NET1: variants seen among roughly 807,000 people sequenced by gnomAD.
NET1 encodes the protein neuroepithelial cell-transforming gene 1 protein.
NET1 carries 42 observed loss-of-function variants against 61.1 expected under a neutral mutation model. The observed-to-expected ratio is 0.69, with a 90% CI of 0.54 to 0.89. NET1 has a LOEUF of 0.89. NET1 is among the 40% of genes least tolerant of loss of function. The pLI is 0.00. For missense variants in NET1, 654 were observed against 747.3 expected, an observed-to-expected ratio of 0.88 and a Z score of 1.46; for synonymous variants, 254 against 281.8, an observed-to-expected ratio of 0.90 and a Z score of 0.99.
At chr10:5,413,083 A>AGGGAGGGTGGCACAGGCTGGG (rs1564455840) in intron 1 of NET1, among the ~76,000 whole-genome samples, 1 of 149,984 alleles carries the variant, frequency 6.7e-6, no homozygotes. Flanking sequence ...CACAGGCTGG[A>AGGGAGGGTGGCACAGGCTGGG]GTGACAGTGT....
intron 3 of NET1, among the ~76,000 whole-genome samples, chr10:5,436,312 G>T (rs1234816613): frequency 7.6e-6 from 1 of 132,058 alleles, no homozygotes; most frequent in Non-Finnish European, 1.6e-5. Context: ...AGGCTGGAGT[G>T]CAATGGCTCA....
chr10:5,453,419 A>G lies in NET1; in HGVS notation c.692-65A>G. 6.3e-7 allele frequency: 1 copy of G among 1,583,440 alleles called. No individual in the cohort carries two copies. The highest frequency in any genetic ancestry group is 8.7e-7 in the Non-Finnish European group (1 of 1,151,940). On this transcript the variant is annotated intron_variant, in intron 7 of 11. Transcript: ENST00000355029. This position sits in a 1 kb window ranked among gnomAD's most constrained non-coding sequence, Gnocchi z 4.9. Reference sequence around the variant, plus strand: ...ATGTAATTTTCAGTCTAAACTTCTAATGTAGTGCTGACCTATTTTTTAAAT... The same window carrying G: ...ATGTAATTTTCAGTCTAAACTTCTAGTGTAGTGCTGACCTATTTTTTAAAT...
intron 3 of NET1, among the ~76,000 whole-genome samples, chr10:5,438,892 C>T (rs1832480367): frequency 6.6e-6 from 1 of 152,192 alleles, no homozygotes; most frequent in East Asian, 1.9e-4. Context: ...CTGGAGCACA[C>T]TGAACCTTCA....
Position 5,458,692 on chromosome 10 carries a change from G to C in NET1, c.*1698G>C, listed in dbSNP as rs1832850083. Among the ~76,000 whole-genome samples, 1 of 152,208 alleles carries C rather than the reference G, an allele frequency of 6.6e-6. No individual in the cohort carries two copies. The highest frequency in any genetic ancestry group is 6.5e-5 in the Admixed American group (1 of 15,286). The stretch of plus-strand genomic sequence containing the variant: ...TTGTATTGAAAATAACTGAACACCT[G>C]TTACTTTCTGGATAGGATAGTAAGG... On this transcript the variant is annotated 3_prime_UTR_variant, in exon 12 of 12. Coordinates refer to ENST00000355029, the MANE Select transcript of NET1 (RefSeq NM_001047160.3). This position sits in a 1 kb window ranked among gnomAD's most constrained non-coding sequence, Gnocchi z 4.5.
rs1192460303 is a variant in NET1 at position 5,412,744 on chromosome 10, C to T, written c.52C>T (p.Arg18Cys). The T allele has an allele frequency of 5.4e-6, 8 of 1,482,134 alleles. No homozygotes were observed. The highest frequency in any genetic ancestry group is 6.2e-6 in the Non-Finnish European group (7 of 1,123,616). 91.8% of individuals were successfully genotyped at this position (1,482,134 alleles called of 1,614,324 possible). Residue 18 changes from arginine (R) to cysteine (C), a missense_variant, in exon 1 of 12, where the codon CGC (arginine) becomes TGC (cysteine). Transcript: ENST00000355029. This position sits in a 1 kb window ranked among gnomAD's most constrained non-coding sequence, Gnocchi z 6.5. The part of the protein sequence containing the change: ...QKQPRPRRRS[R>C]RASGLSTEGA... ...GCAGCCTCGACCGCGGAGGCGAAGC[C>T]GCCGGGCCTCTGGGCTCAGCACGGA...
At position 5,456,976 on chromosome 10, in the gene NET1, G is replaced by C. The variant is rs143945336; in HGVS notation, c.1773G>C (p.Arg591=). The C allele has an allele frequency of 1.0e-4, 157 of 1,564,162 alleles. 1 individual carries two copies. In the African/African-American group the frequency reaches 1.9e-3, roughly 19 times the overall value. Residue 591 remains arginine, a synonymous_variant, in exon 12 of 12, where the codon CGG becomes CGC. Coordinates refer to ENST00000355029, the MANE Select transcript of NET1 (RefSeq NM_001047160.3). The surrounding 1 kb of genome is among the most constrained non-coding windows in gnomAD (Gnocchi z 7.0). ...ACAAAGCCCTTTCTGGTGGCAAACG[G>C]AAAGAGACTTTGGTGTAGAGAAGGC... ...ARDKALSGGK[R]KETLV is the part of the protein sequence containing the mutation.
Position 5,456,932 on chromosome 10 carries a change from G to A in NET1, c.1729G>A (p.Gly577Ser), listed in dbSNP as rs1240718633. Residue 577 changes from glycine to serine, a missense_variant, in exon 12 of 12, where the codon GGC (glycine) becomes AGC (serine). Physicochemically the swap from Gly to Ser is moderately conservative, Grantham distance 56 (BLOSUM62 0). Transcript: ENST00000355029. The surrounding 1 kb of genome is among the most constrained non-coding windows in gnomAD (Gnocchi z 7.0). ...KSLKTHQTQPGIRRARDKALS... is the reference protein window; with the variant it reads ...KSLKTHQTQPSIRRARDKALS... ...CTTAAAGACACACCAGACACAGCCC[G>A]GCATCCGAAGAGCGAGGGACAAAGC... 1.3e-5 allele frequency: 21 copies of A among 1,607,504 alleles called. No homozygotes were observed. Among genetic ancestry groups the A allele is most frequent in the African/African-American group, 2.7e-5 (2 of 74,662 alleles).
At chr10:5,419,054 T>G (rs1015313427) in intron 1 of NET1, among the ~76,000 whole-genome samples, 3 of 152,246 alleles carry the variant, frequency 2.0e-5, no homozygotes, top group African/African-American at 7.2e-5. Context: ...TTATTGAGAT[T>G]GTGCTGTTTT....
intron 3 of NET1, among the ~76,000 whole-genome samples, chr10:5,445,543 G>T (rs1413402165): frequency 6.6e-6 from 1 of 152,116 alleles, no homozygotes; most frequent in Non-Finnish European, 1.5e-5. Flanking sequence ...CCTCAGACTA[G>T]AAATATTTTT....
Position 5,456,381 on chromosome 10 carries a change from C to T in NET1, c.1384+108C>T. ...GATGAAATGGCTCCATTGTCCTATACTTGTTACATCCATTGAGTTGTCCAG... is the reference window on the plus strand; with the variant it reads ...GATGAAATGGCTCCATTGTCCTATATTTGTTACATCCATTGAGTTGTCCAG... On this transcript the variant is annotated intron_variant, in intron 11 of 11. Transcript: ENST00000355029. This position sits in a 1 kb window ranked among gnomAD's most constrained non-coding sequence, Gnocchi z 7.0. 1 of 1,170,206 alleles carries T rather than the reference C, an allele frequency of 8.5e-7. No individual in the cohort carries two copies. Among genetic ancestry groups the T allele is most frequent in the Non-Finnish European group, 1.2e-6 (1 of 852,216 alleles). 72.5% of individuals were successfully genotyped at this position (1,170,206 alleles called of 1,614,324 possible).
At position 5,437,403 on chromosome 10, in the gene NET1, A is replaced by T. The variant is rs905298868; in HGVS notation, c.255+8174A>T. On this transcript the variant is annotated intron_variant, in intron 3 of 11. Transcript: ENST00000355029. The surrounding 1 kb of genome is among the most constrained non-coding windows in gnomAD (Gnocchi z 4.3). ...ATAGTGTGTTAAAGTACCATAATCT[A>T]TTTAACCAGTCTTTTAAGAATGGCT... 9.2e-5 allele frequency among the ~76,000 whole-genome samples: 14 copies of T among 152,078 alleles called. No individual in the cohort carries two copies. Among genetic ancestry groups the T allele is most frequent in the Non-Finnish European group, 1.8e-4 (12 of 68,014 alleles).
intron 1 of NET1, among the ~76,000 whole-genome samples, chr10:5,418,297 TTTA>T (rs1832113605): frequency 6.6e-6 from 1 of 151,972 alleles, no homozygotes; most frequent in African/African-American, 2.4e-5. Context: ...CTGTGGATAG[TTTA>T]TTATTATTAT....
At position 5,453,388 on chromosome 10, in the gene NET1, C is replaced by T. The variant is rs41289267; in HGVS notation, c.691+42C>T. On this transcript the variant is annotated intron_variant, in intron 7 of 11. Coordinates refer to ENST00000355029, the MANE Select transcript of NET1 (RefSeq NM_001047160.3). The surrounding 1 kb of genome is among the most constrained non-coding windows in gnomAD (Gnocchi z 4.9). ...AATTGTCATTAAATCTAAAGAGCAG[C>T]GGTGCATGTAATTTTCAGTCTAAAC... 19,890 of 1,564,308 alleles carry T rather than the reference C, an allele frequency of 0.013. 170 individuals are homozygous for T. The highest frequency in any genetic ancestry group is 0.034 in the African/African-American group (2,484 of 73,972).
At chr10:5,433,962 C>T (rs1176003932) in intron 3 of NET1, among the ~76,000 whole-genome samples, 1 of 151,978 alleles carries the variant, frequency 6.6e-6, no homozygotes, top group East Asian at 1.9e-4. Flanking sequence ...CCTCTCATTT[C>T]AATTCCTTCT....
Position 5,454,639 on chromosome 10 carries a change from TA to T in NET1, c.1026+119del. 1 of 1,257,752 alleles carries T rather than the reference TA, an allele frequency of 8.0e-7. No individual in the cohort carries two copies. Among genetic ancestry groups the T allele is most frequent in the Non-Finnish European group, 1.1e-6 (1 of 910,972 alleles). The allele number at this position is 1,257,752 out of a possible 1,614,324, so 77.9% of individuals were successfully genotyped here. A position where few individuals can be genotyped will look rare whatever the true frequency, so the allele number is the denominator to read the frequency against. ...AGCATAGTGAATTGTTTTGTTGTTT[TA>T]AGTACCCAGTGCGTTAGTACGCTGT... On this transcript the variant is annotated intron_variant, in intron 9 of 11. Transcript: ENST00000355029. This position sits in a 1 kb window ranked among gnomAD's most constrained non-coding sequence, Gnocchi z 8.1.
At chr10:5,428,789 C>A (rs1832301382) in intron 2 of NET1, among the ~76,000 whole-genome samples, 1 of 150,594 alleles carries the variant, frequency 6.6e-6, no homozygotes, top group Non-Finnish European at 1.5e-5. Flanking sequence ...GTGGCGCAAT[C>A]TCGGCTCACT....
At position 5,454,366 on chromosome 10, in the gene NET1, C is replaced by T. The variant is rs1014560800; in HGVS notation, c.870C>T (p.Leu290=). Residue 290 remains leucine (L), a synonymous_variant, in exon 9 of 12, where the codon CTC becomes CTT. Transcript: ENST00000355029. The surrounding 1 kb of genome is among the most constrained non-coding windows in gnomAD (Gnocchi z 8.1). Reference sequence around the variant, plus strand: ...AGGATCCAAGAGTCCAAGACTTCCTCCAGCGATGTCTCGAGTCTCCCTTCA... The same window carrying T: ...AGGATCCAAGAGTCCAAGACTTCCTTCAGCGATGTCTCGAGTCTCCCTTCA... The part of the protein sequence containing the change: ...KKQDPRVQDF[L]QRCLESPFSR... 13 of 1,614,174 alleles carry T rather than the reference C, an allele frequency of 8.1e-6. No individual in the cohort carries two copies. Among genetic ancestry groups the T allele is most frequent in the Non-Finnish European group, 1.0e-5 (12 of 1,180,028 alleles).
At position 5,455,218 on chromosome 10, in the gene NET1, C is replaced by A; in HGVS notation, c.1197+100C>A. ...CAGGCTTGTAAAGGGAAAGTCATGA[C>A]ATAGTAAAAGAAGGTTGCCAATTTT... On this transcript the variant is annotated intron_variant, in intron 10 of 11. Coordinates refer to ENST00000355029, the MANE Select transcript of NET1 (RefSeq NM_001047160.3). The surrounding 1 kb of genome is among the most constrained non-coding windows in gnomAD (Gnocchi z 6.5). The A allele has an allele frequency of 8.6e-7, 1 of 1,166,292 alleles. No homozygotes were observed. Among genetic ancestry groups the A allele is most frequent in the Non-Finnish European group, 1.2e-6 (1 of 814,594 alleles). 72.2% of individuals were successfully genotyped at this position (1,166,292 alleles called of 1,614,324 possible). A position where few individuals can be genotyped will look rare whatever the true frequency, so the allele number is the denominator to read the frequency against.
At chr10:5,434,627 C>T (rs1832397971) in intron 3 of NET1, among the ~76,000 whole-genome samples, 1 of 151,768 alleles carries the variant, frequency 6.6e-6, no homozygotes, top group South Asian at 2.1e-4. Flanking sequence ...TCTGGTTTGT[C>T]ACTCTGCTCA....
Sources: gnomAD v4.1 joint callset for allele counts (sites outside exome capture counted in the v4.1 genomes callset) on GRCh38, gnomAD v4.1.1 for gene constraint, Gnocchi (gnomAD v3.1) non-coding constraint, MANE v1.5 for transcripts, NCBI Gene and HGNC (gene_info 2026-07-23, HGNC 2026-07-21) for gene names.